Variants in CWC27 observed in about 807,000 individuals in gnomAD.
CWC27 encodes the protein CWC27 spliceosome associated cyclophilin, also known as spliceosome-associated protein CWC27 homolog.
Under a neutral mutation model 63.6 loss-of-function variants are expected in CWC27, and 47 were observed. The observed-to-expected ratio is 0.74, with a 90% CI of 0.58 to 0.94. The LOEUF (loss-of-function observed/expected upper bound fraction) is 0.94. CWC27 is among the 40% of genes least tolerant of loss of function. CWC27 has a pLI of 0.00. For missense variants in CWC27, 495 were observed against 554.3 expected (o/e 0.89, Z 1.07); for synonymous variants, 175 against 179.8 (o/e 0.97, Z 0.22).
chr5:64,928,553 GA>G (rs1293907638), intron 11 of CWC27, among the ~76,000 whole-genome samples: 3 of 151,374 alleles, frequency 2.0e-5, no homozygotes, highest in Non-Finnish European at 4.4e-5. Context: ...AAGTAAGTGG[GA>G]AAAAAGCCAA....
intron 2 of CWC27, 110 bp from the exon 3 acceptor site, chr5:64,781,811 G>A (rs572413323): frequency 2.0e-5 from 10 of 505,168 alleles, no homozygotes; most frequent in East Asian, 9.7e-5. Flanking sequence ...GCTGGGGAGC[G>A]TATTTAACAT....
At chr5:64,960,934 T>A (rs547204029) in intron 11 of CWC27, among the ~76,000 whole-genome samples, 5 of 151,908 alleles carry the variant, frequency 3.3e-5, no homozygotes, top group South Asian at 4.2e-4. Context: ...TTTTTTTTTT[T>A]AAATGAATGA....
At chr5:65,006,150 T>C (rs1183318352) in intron 13 of CWC27, among the ~76,000 whole-genome samples, 2 of 152,236 alleles carry the variant, frequency 1.3e-5, no homozygotes, top group Admixed American at 1.3e-4. Flanking sequence ...GACACTATTT[T>C]GTTCTTTGTT....
In CWC27 at chr5:64,889,182, T is replaced by C. The variant is rs1288513643; in HGVS notation, c.1042+3636T>C. On this transcript the variant is annotated intron_variant, in intron 11 of 13. Transcript: ENST00000381070. ...AGACTAAGGAGACATGGCAAATAAA[T>C]GCAGTTCAATCCTAGATAGAATCAT... 1.3e-5 allele frequency among the ~76,000 whole-genome samples: 2 copies of C among 152,142 alleles called. 1 individual carries two copies. The highest frequency in any genetic ancestry group is 4.8e-5 in the African/African-American group (2 of 41,528).
chr5:64,889,845 G>A (rs937605389), intron 11 of CWC27, among the ~76,000 whole-genome samples: 28 of 152,096 alleles, frequency 1.8e-4, no homozygotes. Context: ...AAATCATCAA[G>A]GCCTGTGCAT....
At chr5:64,810,088 A>G (rs1207062592) in intron 10 of CWC27, among the ~76,000 whole-genome samples, 2 of 152,072 alleles carry the variant, frequency 1.3e-5, no homozygotes, top group Non-Finnish European at 1.5e-5. Flanking sequence ...AGTTTGAGAT[A>G]AAGGTCCAAT....
chr5:65,013,232 T>C (rs967581666), intron 13 of CWC27, among the ~76,000 whole-genome samples: 2 of 152,268 alleles, frequency 1.3e-5, no homozygotes, highest in African/African-American at 4.8e-5. Flanking sequence ...CTGTGAGAAA[T>C]GAAAAGAGAC....
intron 10 of CWC27, among the ~76,000 whole-genome samples, chr5:64,864,955 T>A (rs1046521453): frequency 6.6e-6 from 1 of 152,112 alleles, no homozygotes; most frequent in Non-Finnish European, 1.5e-5. Flanking sequence ...TTAACCATGG[T>A]CATCATGTTG....
At chr5:64,866,017 C>T (rs1484435582) in intron 10 of CWC27, among the ~76,000 whole-genome samples, 1 of 151,950 alleles carries the variant, frequency 6.6e-6, no homozygotes, top group Non-Finnish European at 1.5e-5. Context: ...ATTAGAAAGC[C>T]TTAGTTAAAA....
chr5:64,991,531 C>G (rs1167790358), intron 13 of CWC27, among the ~76,000 whole-genome samples: 1 of 151,898 alleles, frequency 6.6e-6, no homozygotes, highest in Non-Finnish European at 1.5e-5. Context: ...TTGAAACCAG[C>G]CTGGGCAACA....
chr5:64,821,340 A>G (rs942789459), intron 10 of CWC27, among the ~76,000 whole-genome samples: 1 of 152,154 alleles, frequency 6.6e-6, no homozygotes, highest in Non-Finnish European at 1.5e-5. Context: ...TGCCCGGCCA[A>G]CAAAGTAATT....
chr5:64,826,094 T>TCTATCTAC (rs1745351281), intron 10 of CWC27, among the ~76,000 whole-genome samples: 1 of 152,000 alleles, frequency 6.6e-6, no homozygotes, highest in Non-Finnish European at 1.5e-5. Flanking sequence ...TATCTATCTA[T>TCTATCTAC]CTATCTATCT....
chr5:64,944,871 T>C (rs1342071699), intron 11 of CWC27, among the ~76,000 whole-genome samples: 1 of 152,218 alleles, frequency 6.6e-6, no homozygotes, highest in African/African-American at 2.4e-5. Flanking sequence ...ACTCTTTTTT[T>C]TAAACCCACC....
intron 13 of CWC27, among the ~76,000 whole-genome samples, chr5:64,999,703 G>A (rs1056556188): frequency 1.3e-5 from 2 of 152,074 alleles, no homozygotes; most frequent in African/African-American, 4.8e-5. Flanking sequence ...ATTCCATTGT[G>A]TATATGTACC....
chr5:64,876,477 C>G (rs1348700338), intron 10 of CWC27, among the ~76,000 whole-genome samples: 1 of 152,024 alleles, frequency 6.6e-6, no homozygotes, highest in Admixed American at 6.6e-5. Flanking sequence ...CATCCGTGGT[C>G]CAAGAAACAA....
chr5:64,994,139 G>GA (rs1749587941), intron 13 of CWC27, among the ~76,000 whole-genome samples: 1 of 152,140 alleles, frequency 6.6e-6, no homozygotes, highest in African/African-American at 2.4e-5. Flanking sequence ...TTTAAAGAAA[G>GA]AAAAAATCAC....
intron 13 of CWC27, among the ~76,000 whole-genome samples, chr5:64,979,329 G>A (rs1278549186): frequency 6.6e-6 from 1 of 152,208 alleles, no homozygotes; most frequent in African/African-American, 2.4e-5. Context: ...TGTACACTAT[G>A]AACCTCCAGA....
chr5:64,898,196 G>A (rs1424961558), intron 11 of CWC27, among the ~76,000 whole-genome samples: 1 of 152,144 alleles, frequency 6.6e-6, no homozygotes, highest in Non-Finnish European at 1.5e-5. Context: ...GCAGTTGTTA[G>A]GAATTAGAGT....
At chr5:64,778,602 A>G (rs1163198503) in intron 2 of CWC27, among the ~76,000 whole-genome samples, 1 of 152,170 alleles carries the variant, frequency 6.6e-6, no homozygotes, top group Admixed American at 6.5e-5. Flanking sequence ...CATATTATTT[A>G]ATCTTCAGAT....
Sources: allele counts gnomAD v4.1 joint callset (sites outside exome capture counted in the v4.1 genomes callset), GRCh38; gene constraint gnomAD v4.1.1; transcripts MANE v1.5; gene names NCBI Gene and HGNC (gene_info 2026-07-23, HGNC 2026-07-21).